The following SUCLG2 variants were observed in gnomAD, a reference collection of about 807,000 sequenced individuals.
The protein encoded by SUCLG2 is succinate-CoA ligase GDP-forming subunit beta.
A neutral mutation model predicts 47.9 loss-of-function variants in SUCLG2; 42 were observed. The ratio of observed to expected loss-of-function variants is 0.88; its 90% CI spans 0.69 to 1.14. The LOEUF (loss-of-function observed/expected upper bound fraction) is 1.14, where lower values mean the gene tolerates loss of function less well. Among genes scored for constraint, SUCLG2 ranks in the 50% most tolerant of loss-of-function variants. SUCLG2 has a pLI of 0.00. For synonymous variants in SUCLG2, 195 were observed against 197.3 expected (o/e 0.99, Z 0.10); for missense variants, 571 against 525.9 (o/e 1.09, Z -0.84).
At chr3:67,418,970 T>A (rs915504811) in intron 9 of SUCLG2, among the ~76,000 whole-genome samples, 4 of 151,828 alleles carry the variant, frequency 2.6e-5, no homozygotes, top group African/African-American at 9.7e-5. Flanking sequence ...GTGCTCTCTA[T>A]GCCAAGTCAT....
chr3:67,630,621 G>C (rs751966184), intron 1 of SUCLG2, among the ~76,000 whole-genome samples: 2 of 152,128 alleles, frequency 1.3e-5, no homozygotes, highest in African/African-American at 4.8e-5. Context: ...ACTCCTAGTC[G>C]CAAGGATTAA....
chr3:67,580,540 T>A (rs966704752), intron 2 of SUCLG2, among the ~76,000 whole-genome samples: 1 of 152,224 alleles, frequency 6.6e-6, no homozygotes, highest in Non-Finnish European at 1.5e-5. Flanking sequence ...ATTTGCTAAG[T>A]GCCTCCTCGG....
intron 2 of SUCLG2, among the ~76,000 whole-genome samples, chr3:67,584,876 C>G (rs554811025): frequency 2.0e-5 from 3 of 152,234 alleles, no homozygotes; most frequent in African/African-American, 7.2e-5. Flanking sequence ...ATCACAAGAA[C>G]AGCATGAGGG....
At chr3:67,502,663 T>C (rs1705529305) in intron 7 of SUCLG2, among the ~76,000 whole-genome samples, 1 of 152,246 alleles carries the variant, frequency 6.6e-6, no homozygotes, top group Non-Finnish European at 1.5e-5. Context: ...TAGCCCAGGC[T>C]ACAGAACTCT....
downstream of SUCLG2, among the ~76,000 whole-genome samples, chr3:67,373,771 C>G (rs961870723): frequency 1.3e-5 from 2 of 152,108 alleles, no homozygotes; most frequent in Non-Finnish European, 2.9e-5. Flanking sequence ...TGCTCCCTCT[C>G]TCTTTCTCTT....
chr3:67,497,994 T>G (rs1332592384), intron 8 of SUCLG2, 140 bp downstream of exon 8: 5 of 849,688 alleles, frequency 5.9e-6, no homozygotes, highest in Non-Finnish European at 8.9e-6. Context: ...GAGAAGAAAC[T>G]TGGATACTTT....
chr3:67,580,999 G>C (rs571731493), intron 2 of SUCLG2, among the ~76,000 whole-genome samples: 1 of 152,292 alleles, frequency 6.6e-6, no homozygotes, highest in African/African-American at 2.4e-5. Flanking sequence ...AATTGTGTTT[G>C]TGTTCCTGAA....
At chr3:67,413,262 C>T (rs1369015196) in intron 9 of SUCLG2, among the ~76,000 whole-genome samples, 3 of 152,156 alleles carry the variant, frequency 2.0e-5, no homozygotes, top group South Asian at 2.1e-4. Flanking sequence ...AGCACTAAAA[C>T]GGCTTCATTC....
downstream of SUCLG2, among the ~76,000 whole-genome samples, chr3:67,369,988 T>A (rs1007077602): frequency 1.3e-5 from 2 of 152,196 alleles, no homozygotes; most frequent in Admixed American, 1.3e-4. Flanking sequence ...CAAACTTGAA[T>A]ATTAATACTT....
chr3:67,578,416 C>T (rs1425464402), intron 2 of SUCLG2, among the ~76,000 whole-genome samples: 3 of 151,686 alleles, frequency 2.0e-5, no homozygotes, highest in Admixed American at 6.6e-5. Flanking sequence ...AGTACTTAGA[C>T]AAAATAATTA....
intron 2 of SUCLG2, among the ~76,000 whole-genome samples, chr3:67,565,031 G>C (rs1480800984): frequency 2.0e-5 from 3 of 150,756 alleles, no homozygotes; most frequent in Non-Finnish European, 4.4e-5. Context: ...TGTAGCATTT[G>C]AAATTAAAGT....
chr3:67,534,545 G>T (rs748458567), intron 2 of SUCLG2, among the ~76,000 whole-genome samples: 4 of 151,288 alleles, frequency 2.6e-5, no homozygotes, highest in Non-Finnish European at 5.9e-5. Context: ...TTTCATAACC[G>T]TTAATACACA....
intron 1 of SUCLG2, among the ~76,000 whole-genome samples, chr3:67,625,654 T>G (rs551497562): frequency 1.3e-5 from 2 of 152,134 alleles, no homozygotes; most frequent in Non-Finnish European, 2.9e-5. Context: ...TGAAAGCTAC[T>G]CACCTTCTCA....
chr3:67,596,048 A>G (rs1211856333), intron 2 of SUCLG2, among the ~76,000 whole-genome samples: 2 of 152,238 alleles, frequency 1.3e-5, no homozygotes, highest in African/African-American at 2.4e-5. Flanking sequence ...TGTATACATC[A>G]TTCTCACAGG....
intron 10 of SUCLG2, among the ~76,000 whole-genome samples, chr3:67,385,007 C>T (rs548470123): frequency 2.0e-5 from 3 of 152,196 alleles, no homozygotes; most frequent in Admixed American, 1.3e-4. Flanking sequence ...ACACACTTAG[C>T]GTCTATAAGA....
intron 3 of SUCLG2, 78 bp downstream of exon 3, chr3:67,529,009 A>C: frequency 7.9e-7 from 1 of 1,271,184 alleles, no homozygotes; most frequent in South Asian, 1.4e-5. Context: ...AACCAACCTC[A>C]GTGTGCCTTT....
At chr3:67,638,052 T>C (rs1575835447) in intron 1 of SUCLG2, among the ~76,000 whole-genome samples, 1 of 152,244 alleles carries the variant, frequency 6.6e-6, no homozygotes, top group East Asian at 1.9e-4. Flanking sequence ...TTCAGTATTT[T>C]ATGCTACATT....
intron 2 of SUCLG2, among the ~76,000 whole-genome samples, chr3:67,568,980 A>C (rs922925626): frequency 6.6e-6 from 1 of 152,208 alleles, no homozygotes; most frequent in African/African-American, 2.4e-5. Flanking sequence ...TTCAATTCCT[A>C]AGTCAGAGTT....
At chr3:67,578,620 C>T (rs986754134) in intron 2 of SUCLG2, among the ~76,000 whole-genome samples, 3 of 152,020 alleles carry the variant, frequency 2.0e-5, no homozygotes, top group African/African-American at 2.4e-5. Context: ...ACGGCTGAAC[C>T]GGAGATCACA....
Sources: gnomAD v4.1 joint callset for allele counts (sites outside exome capture counted in the v4.1 genomes callset) on GRCh38, gnomAD v4.1.1 for gene constraint, MANE v1.5 for transcripts, NCBI Gene and HGNC (gene_info 2026-07-23, HGNC 2026-07-21) for gene names.